MSN: variants seen among roughly 807,000 people sequenced by gnomAD.
The protein encoded by MSN is epididymis luminal protein 70.
In MSN, 2 loss-of-function variants were observed where a neutral mutation model predicts 48.0. The observed-to-expected ratio is 0.04, with a 90% CI of 0.02 to 0.13. The LOEUF (loss-of-function observed/expected upper bound fraction) is 0.13, where lower values mean the gene tolerates loss of function less well. MSN is among the 10% of genes least tolerant of loss of function. The probability of loss-of-function intolerance (pLI) is 1.00; values close to 1 mark genes in which losing one functional copy is unlikely to be tolerated. For synonymous variants in MSN, 146 were observed against 166.9 expected (o/e 0.87, Z 0.97); for missense variants, 267 against 470.1 (o/e 0.57, Z 3.99).
At chrX:65,653,519 G>C (rs1035508832) in intron 1 of MSN, among the ~76,000 whole-genome samples, 1 of 110,752 alleles carries the variant, frequency 9.0e-6, no homozygotes, top group Non-Finnish European at 1.9e-5. Flanking sequence ...TTTTAGGAAC[G>C]TAAGTGGTGG....
At chrX:65,589,322 G>A (rs1182082685) in intron 1 of MSN, among the ~76,000 whole-genome samples, 8 of 109,067 alleles carry the variant, frequency 7.3e-5, no homozygotes, top group East Asian at 5.8e-4. Context: ...GCTGTATACC[G>A]TGGCACAACT....
At chrX:65,601,078 T>C (rs2148350973) in intron 1 of MSN, among the ~76,000 whole-genome samples, 1 of 112,066 alleles carries the variant, frequency 8.9e-6, no homozygotes, top group East Asian at 2.8e-4. Context: ...AATTTGAACT[T>C]GAATCCTGGT....
intron 1 of MSN, among the ~76,000 whole-genome samples, chrX:65,606,363 G>A (rs772087510): frequency 4.0e-4 from 44 of 109,170 alleles, no homozygotes; most frequent in African/African-American, 1.4e-3. Context: ...TCCTGACCTC[G>A]TGATCCACCC....
At chrX:65,591,362 G>A (rs2070145628) in intron 1 of MSN, among the ~76,000 whole-genome samples, 1 of 111,941 alleles carries the variant, frequency 8.9e-6, no homozygotes, top group Non-Finnish European at 1.9e-5. Context: ...TCTATCCCCT[G>A]TCTGCTCTGG....
chrX:65,634,656 A>G (rs2070585246), intron 1 of MSN, among the ~76,000 whole-genome samples: 1 of 112,752 alleles, frequency 8.9e-6, no homozygotes, highest in South Asian at 3.6e-4. Context: ...CATTGAAATC[A>G]GCACAAGGAA....
chrX:65,666,177 G>T (rs762684386), upstream of MSN, among the ~76,000 whole-genome samples: 3 of 100,554 alleles, frequency 3.0e-5, no homozygotes, highest in Non-Finnish European at 6.1e-5. Flanking sequence ...TAATTTTTTT[G>T]TTTTTTTTTT....
chrX:65,598,416 C>T (rs895917413), intron 1 of MSN, among the ~76,000 whole-genome samples: 7 of 109,255 alleles, frequency 6.4e-5, no homozygotes, highest in African/African-American at 2.3e-4. Flanking sequence ...GAGAGAAAAA[C>T]AGGGGAAAAG....
At chrX:65,696,295 T>TA (rs2071238511) in intron 1 of MSN, among the ~76,000 whole-genome samples, 1 of 111,013 alleles carries the variant, frequency 9.0e-6, no homozygotes, top group South Asian at 3.7e-4. Flanking sequence ...GGGTGTCTGA[T>TA]AAAGTGGTGG....
chrX:65,650,060 T>C (rs2070730382), intron 1 of MSN, among the ~76,000 whole-genome samples: 1 of 89,031 alleles, frequency 1.1e-5, no homozygotes, highest in Non-Finnish European at 2.2e-5. Context: ...CTCTTTTTTT[T>C]TTTTTTTTTT....
chrX:65,665,686 C>T (rs1048607558), upstream of MSN, among the ~76,000 whole-genome samples: 5 of 111,396 alleles, frequency 4.5e-5, no homozygotes, highest in Non-Finnish European at 9.4e-5. Flanking sequence ...CCTTTCTCAT[C>T]CCTTTATAAT....
intron 4 of MSN, 92 bp from the exon 5 acceptor site, chrX:65,731,015 G>T (rs1336318289): frequency 2.9e-6 from 2 of 700,127 alleles, no homozygotes; most frequent in African/African-American, 2.2e-5. Flanking sequence ...CATCCTCTTT[G>T]CATCAGCCCC....
At chrX:65,676,681 C>T (rs2071001797) in intron 1 of MSN, among the ~76,000 whole-genome samples, 1 of 111,693 alleles carries the variant, frequency 9.0e-6, no homozygotes, top group African/African-American at 3.3e-5. Context: ...TATTTCTTTC[C>T]CTCTCTTTAG....
At chrX:65,591,365 T>C (rs895181424) in intron 1 of MSN, among the ~76,000 whole-genome samples, 2 of 112,054 alleles carry the variant, frequency 1.8e-5, no homozygotes, top group Non-Finnish European at 3.8e-5. Flanking sequence ...ATCCCCTGTC[T>C]GCTCTGGGCC....
intron 1 of MSN, among the ~76,000 whole-genome samples, chrX:65,688,836 C>G (rs935739658): frequency 1.8e-5 from 2 of 111,944 alleles, no homozygotes; most frequent in Admixed American, 1.9e-4. Flanking sequence ...TTGGTAGTGT[C>G]AGACCACTGC....
rs187446622 is a variant in MSN, at chrX:65,723,718, A to G, written c.97-4096A>G. On this transcript the variant is annotated intron_variant, in intron 2 of 12. Transcript: ENST00000360270. ...AACTTGGCTTGGAAAAGGGGTTTAG[A>G]GTTGCCTGATAAAATGGTTCACAGC... 2.2e-3 allele frequency among the ~76,000 whole-genome samples: 241 copies of G among 111,928 alleles called. 1 individual carries two copies. Among genetic ancestry groups the G allele is most frequent in the African/African-American group, 7.2e-3 (223 of 30,842 alleles).
chrX:65,666,201 A>G (rs73629472), upstream of MSN, among the ~76,000 whole-genome samples: 940 of 108,436 alleles, frequency 8.7e-3, 11 homozygotes, highest in African/African-American at 0.03. Context: ...CATTTTTAAT[A>G]GAGATGAGGT....
intron 1 of MSN, among the ~76,000 whole-genome samples, chrX:65,679,102 T>C (rs5964999): frequency 0.24 from 26,523 of 111,012 alleles, 7,717 homozygotes; most frequent in African/African-American, 0.83. Flanking sequence ...CTGTGGAGAT[T>C]CTGGCTTGGA....
intron 1 of MSN, among the ~76,000 whole-genome samples, chrX:65,636,449 A>G (rs934287873): frequency 9.0e-6 from 1 of 111,206 alleles, no homozygotes; most frequent in Non-Finnish European, 1.9e-5. Flanking sequence ...AGAGAAATGA[A>G]AAGCAGGCTG....
chrX:65,740,209 T>C lies in MSN; in HGVS notation c.*316T>C, dbSNP rs1001634565. ...TTGATTTTGCAAATGCCCTTACACT[T>C]ACTGTTGTCCTATGGGAGTCAAGTG... On this transcript the variant is annotated 3_prime_UTR_variant, in exon 13 of 13. Coordinates refer to ENST00000360270, the MANE Select transcript of MSN (RefSeq NM_002444.3). 1 of 235,312 alleles carries C rather than the reference T, an allele frequency of 4.2e-6. No individual in the cohort carries two copies. The highest frequency in any genetic ancestry group is 2.8e-5 in the African/African-American group (1 of 36,266). The allele number at this position is 235,312 out of a possible 1,213,427, so 19.4% of individuals were successfully genotyped here.
Sources: allele counts gnomAD v4.1 joint callset (sites outside exome capture counted in the v4.1 genomes callset), GRCh38; gene constraint gnomAD v4.1.1; transcripts MANE v1.5; gene names NCBI Gene and HGNC (gene_info 2026-07-23, HGNC 2026-07-21).